Variants in BCAS3 observed in about 807,000 individuals in gnomAD.
The protein encoded by BCAS3 is BCAS4/BCAS3 fusion.
In BCAS3, 53 loss-of-function variants were observed where a neutral mutation model predicts 116.1. The observed-to-expected ratio is 0.46, with a 90% CI of 0.37 to 0.57. The LOEUF (loss-of-function observed/expected upper bound fraction) is 0.57, where lower values mean the gene tolerates loss of function less well. Ranked by LOEUF, BCAS3 falls within the 20% of genes least tolerant of loss-of-function variation. The pLI is 0.00. For synonymous variants in BCAS3, 391 were observed against 408.2 expected (o/e 0.96, Z 0.51); for missense variants, 917 against 1,165.4 (o/e 0.79, Z 3.10).
chr17:60,999,833 A>G (rs9891022), intron 15 of BCAS3, among the ~76,000 whole-genome samples: 28,449 of 152,070 alleles, frequency 0.19, 2,894 homozygotes, highest in African/African-American at 0.26. Flanking sequence ...TTCTTTCAGC[A>G]GTGTTTTGTA....
At position 61,380,713 on chromosome 17, in the gene BCAS3, C is replaced by G. The variant is rs1042289357; in HGVS notation, c.2594-11264C>G. On this transcript the variant is annotated intron_variant, in intron 23 of 23. Coordinates refer to ENST00000407086, the MANE Select transcript of BCAS3 (RefSeq NM_017679.5). This position sits in a 1 kb window ranked among gnomAD's most constrained non-coding sequence, Gnocchi z 4.2. ...GCAGGGGTCAGCTCAGATGGGAGGT[C>G]TCTTCTGGAAGGGGACTGGTTTGGG... 6.0e-5 allele frequency: 43 copies of G among 714,774 alleles called. No individual in the cohort carries two copies. The Admixed American group carries it at 6.8e-4, about 11-fold the overall frequency. The allele number at this position is 714,774 out of a possible 1,614,324, so 44.3% of individuals were successfully genotyped here.
chr17:61,109,011 C>A (rs1385499521), intron 22 of BCAS3, among the ~76,000 whole-genome samples: 2 of 151,936 alleles, frequency 1.3e-5, no homozygotes, highest in Non-Finnish European at 2.9e-5. Context: ...CATGGTGAAA[C>A]CCTGTCTCTA....
chr17:60,759,114 C>T (rs1405490170), intron 6 of BCAS3, among the ~76,000 whole-genome samples: 1 of 152,072 alleles, frequency 6.6e-6, no homozygotes, highest in East Asian at 1.9e-4. Context: ...GCTGGGACTA[C>T]AGGCACATGC....
intron 23 of BCAS3, among the ~76,000 whole-genome samples, chr17:61,385,188 T>C (rs2059786553): frequency 6.6e-6 from 1 of 152,182 alleles, no homozygotes; most frequent in African/African-American, 2.4e-5. Context: ...GGCACAGGAC[T>C]GGTGTAAGAC....
In BCAS3 at chr17:61,171,377, G is replaced by A. The variant is rs538312816; in HGVS notation, c.2425+86813G>A. Reference sequence around the variant, plus strand: ...CATGGGAACCAAAAAGAAAAAAATGGAACAAAGAATAAATGTATGAACTAA... The same window carrying A: ...CATGGGAACCAAAAAGAAAAAAATGAAACAAAGAATAAATGTATGAACTAA... On this transcript the variant is annotated intron_variant, in intron 22 of 23. Coordinates refer to ENST00000407086, the MANE Select transcript of BCAS3 (RefSeq NM_017679.5). This position sits in a 1 kb window ranked among gnomAD's most constrained non-coding sequence, Gnocchi z 4.1. Among the ~76,000 whole-genome samples, 155 of 152,154 alleles carry A rather than the reference G, an allele frequency of 1.0e-3. 1 individual carries two copies. The highest frequency in any genetic ancestry group is 3.4e-3 in the African/African-American group (141 of 41,498).
chr17:61,083,548 T>A lies in BCAS3; in HGVS notation c.2328-919T>A, dbSNP rs995481687. Among the ~76,000 whole-genome samples, 2 of 152,134 alleles carry A rather than the reference T, an allele frequency of 1.3e-5. No individual in the cohort carries two copies. The highest frequency in any genetic ancestry group is 2.9e-5 in the Non-Finnish European group (2 of 68,026). ...TTTATGTTAATAGTATTTATTCTAA[T>A]GCAGCTAGAAAGAGACACTCGGCAT... On this transcript the variant is annotated intron_variant, in intron 21 of 23. Transcript: ENST00000407086. This position sits in a 1 kb window ranked among gnomAD's most constrained non-coding sequence, Gnocchi z 4.9.
chr17:61,279,835 G>A lies in BCAS3; in HGVS notation c.2426-88492G>A, dbSNP rs1296568149. 6.6e-6 allele frequency among the ~76,000 whole-genome samples: 1 copy of A among 150,778 alleles called. No individual in the cohort carries two copies. Among genetic ancestry groups the A allele is most frequent in the East Asian group, 1.9e-4 (1 of 5,144 alleles). ...GCCAAGTTGGGCTTGGCTGCTGCAG[G>A]CTGATTGGATGACTGTGGCAGTACC... On this transcript the variant is annotated intron_variant, in intron 22 of 23. Coordinates refer to ENST00000407086, the MANE Select transcript of BCAS3 (RefSeq NM_017679.5). The surrounding 1 kb of genome is among the most constrained non-coding windows in gnomAD (Gnocchi z 4.4).
chr17:60,722,867 C>A (rs147430708), intron 5 of BCAS3, among the ~76,000 whole-genome samples: 89 of 151,878 alleles, frequency 5.9e-4, no homozygotes, highest in African/African-American at 1.8e-3. Context: ...AAGTTTGAGA[C>A]CACCCTGGGC....
chr17:61,292,870 T>A (rs891444888), intron 22 of BCAS3, among the ~76,000 whole-genome samples: 1 of 152,222 alleles, frequency 6.6e-6, no homozygotes, highest in Non-Finnish European at 1.5e-5. Flanking sequence ...CTAGGATGTC[T>A]GTTTTTCATC....
chr17:60,806,285 T>A (rs1482411308), intron 6 of BCAS3, among the ~76,000 whole-genome samples: 1 of 152,222 alleles, frequency 6.6e-6, no homozygotes, highest in Non-Finnish European at 1.5e-5. Flanking sequence ...ATTTCTTTCA[T>A]CCTTGCCTTC....
rs182353688 is a variant in BCAS3, at chr17:60,713,017, G to A, written c.321+3692G>A. Among the ~76,000 whole-genome samples, 5 of 152,252 alleles carry A rather than the reference G, an allele frequency of 3.3e-5. No homozygotes were observed. The East Asian group carries it at 7.7e-4, about 24-fold the overall frequency. On this transcript the variant is annotated intron_variant, in intron 5 of 23. Coordinates refer to ENST00000407086, the MANE Select transcript of BCAS3 (RefSeq NM_017679.5). The stretch of plus-strand genomic sequence containing the variant: ...CTCGGTTTTCCATCCTGTAATTTGA[G>A]ATTAATCTTCTCTGGTTGAAGAAAT...
At chr17:60,876,626 G>T (rs2055632883) in intron 9 of BCAS3, among the ~76,000 whole-genome samples, 1 of 151,992 alleles carries the variant, frequency 6.6e-6, no homozygotes, top group African/African-American at 2.4e-5. Flanking sequence ...TTAGTATTTT[G>T]TCTGTTTAAA....
chr17:61,329,056 G>T (rs531693560), intron 22 of BCAS3, among the ~76,000 whole-genome samples: 1 of 151,754 alleles, frequency 6.6e-6, no homozygotes, highest in South Asian at 2.1e-4. Flanking sequence ...CACCACGCCC[G>T]GCTAGTTTTT....
Position 61,358,944 on chromosome 17 carries a change from T to C in BCAS3, c.2426-9383T>C, listed in dbSNP as rs182531288. 7.9e-5 allele frequency among the ~76,000 whole-genome samples: 12 copies of C among 152,298 alleles called. No individual in the cohort carries two copies. In the East Asian group the frequency reaches 1.9e-3, roughly 25 times the overall value. On this transcript the variant is annotated intron_variant, in intron 22 of 23. Transcript: ENST00000407086. ...AAGAATTTAGGGAGCTAAAAAGTTCTATCCCCACCCTCAGATGTGGGGAGA... is the reference window on the plus strand; with the variant it reads ...AAGAATTTAGGGAGCTAAAAAGTTCCATCCCCACCCTCAGATGTGGGGAGA...
chr17:61,254,500 G>A (rs977428512), intron 22 of BCAS3, among the ~76,000 whole-genome samples: 7 of 151,786 alleles, frequency 4.6e-5, no homozygotes, highest in African/African-American at 1.5e-4. Context: ...AATTTATGGC[G>A]GGGCGCGGTG....
At chr17:60,839,059 G>A (rs538839790) in intron 7 of BCAS3, among the ~76,000 whole-genome samples, 13 of 152,202 alleles carry the variant, frequency 8.5e-5, no homozygotes, top group African/African-American at 2.6e-4. Context: ...GATAATGTAT[G>A]TATTTATATT....
At chr17:60,756,118 G>A (rs2042963998) in intron 6 of BCAS3, among the ~76,000 whole-genome samples, 1 of 151,662 alleles carries the variant, frequency 6.6e-6, no homozygotes, top group South Asian at 2.1e-4. Flanking sequence ...GATGGGGGGC[G>A]TGGTGGGGGA....
chr17:60,762,281 G>A (rs113574530), intron 6 of BCAS3, among the ~76,000 whole-genome samples: 41,717 of 152,016 alleles, frequency 0.27, 11,436 homozygotes, highest in African/African-American at 0.71. Context: ...TCCCACGTCT[G>A]TGTCCTGAAT....
At chr17:60,781,252 G>A (rs970294294) in intron 6 of BCAS3, among the ~76,000 whole-genome samples, 11 of 151,718 alleles carry the variant, frequency 7.3e-5, no homozygotes, top group African/African-American at 2.7e-4. Flanking sequence ...TTACAGGTGT[G>A]AGCCGCTACG....
Sources: gnomAD v4.1 joint callset for allele counts (sites outside exome capture counted in the v4.1 genomes callset) on GRCh38, gnomAD v4.1.1 for gene constraint, Gnocchi (gnomAD v3.1) non-coding constraint, MANE v1.5 for transcripts, NCBI Gene and HGNC (gene_info 2026-07-23, HGNC 2026-07-21) for gene names.